CELF4: variants seen among roughly 807,000 people sequenced by gnomAD.
The protein encoded by CELF4 is CUG-BP- and ETR-3-like factor 4.
CELF4 carries 18 observed loss-of-function variants against 59.9 expected under a neutral mutation model. That is an observed-to-expected ratio of 0.30 (90% CI 0.21 to 0.45). The LOEUF (loss-of-function observed/expected upper bound fraction) is 0.45, where lower values mean the gene tolerates loss of function less well. Among genes scored for constraint, CELF4 ranks in the 20% least tolerant of loss-of-function variants. The pLI, the probability that CELF4 is intolerant of heterozygous loss-of-function variation, is 1.00. For missense variants in CELF4, 456 were observed against 689.0 expected, an observed-to-expected ratio of 0.66 and a Z score of 3.79; for synonymous variants, 261 against 267.1, an observed-to-expected ratio of 0.98 and a Z score of 0.22.
intron 8 of CELF4, among the ~76,000 whole-genome samples, chr18:37,269,866 C>T (rs1047643201): frequency 1.3e-5 from 2 of 152,326 alleles, no homozygotes; most frequent in African/African-American, 2.4e-5. Context: ...ACCTCCCAGG[C>T]GATAGGTCCA....
At position 37,399,196 on chromosome 18, in the gene CELF4, G is replaced by T. The variant is rs553695023; in HGVS notation, c.370-77315C>A. Among the ~76,000 whole-genome samples, 65 of 152,032 alleles carry T rather than the reference G, an allele frequency of 4.3e-4. 1 individual carries two copies. Among genetic ancestry groups the T allele is most frequent in the African/African-American group, 1.5e-3 (64 of 41,510 alleles). On this transcript the variant is annotated intron_variant, in intron 2 of 12. Transcript: ENST00000420428. ...TCATACTGAAAATTTAATTGCCATT[G>T]TGATATTAAGGGATGGGACATTTAA...
chr18:37,549,398 A>T (rs1418178817), intron 1 of CELF4, among the ~76,000 whole-genome samples: 1 of 152,192 alleles, frequency 6.6e-6, no homozygotes, highest in Non-Finnish European at 1.5e-5. Flanking sequence ...TCCTTGAACG[A>T]AAGGTTGCCC....
At chr18:37,444,276 TC>T (rs1168521633) in intron 2 of CELF4, among the ~76,000 whole-genome samples, 1 of 151,498 alleles carries the variant, frequency 6.6e-6, no homozygotes, top group Non-Finnish European at 1.5e-5. Flanking sequence ...TAGGGGTGGA[TC>T]CCCCCTAGCA....
chr18:37,356,010 C>G (rs1485358792), intron 2 of CELF4, among the ~76,000 whole-genome samples: 2 of 152,074 alleles, frequency 1.3e-5, no homozygotes, highest in Admixed American at 1.3e-4. Flanking sequence ...CAGCCCAGCA[C>G]AGCCCAGCCC....
At chr18:37,421,433 CT>C (rs1220939614) in intron 2 of CELF4, among the ~76,000 whole-genome samples, 3 of 152,236 alleles carry the variant, frequency 2.0e-5, no homozygotes, top group African/African-American at 7.2e-5. Flanking sequence ...GCACAGCTTT[CT>C]TCTTTAGCTG....
intron 3 of CELF4, among the ~76,000 whole-genome samples, chr18:37,320,056 A>G (rs649456): frequency 0.52 from 78,587 of 151,712 alleles, 20,822 homozygotes; most frequent in East Asian, 0.76. Context: ...CCCCAACTCC[A>G]GCTGGGCGCG....
intron 1 of CELF4, among the ~76,000 whole-genome samples, chr18:37,552,638 CTGAGAAACT>C (rs1239478490): frequency 2.6e-5 from 4 of 152,216 alleles, no homozygotes; most frequent in African/African-American, 9.6e-5. Flanking sequence ...TAATGTTTTG[CTGAGAAACT>C]TGAGAAACTA....
intron 2 of CELF4, among the ~76,000 whole-genome samples, chr18:37,438,249 G>A (rs1198090241): frequency 6.6e-6 from 1 of 152,212 alleles, no homozygotes; most frequent in Non-Finnish European, 1.5e-5. Flanking sequence ...GTGATTGACT[G>A]TCAGTGAAGA....
intron 2 of CELF4, among the ~76,000 whole-genome samples, chr18:37,402,599 A>C (rs1194759299): frequency 6.6e-6 from 1 of 152,294 alleles, no homozygotes; most frequent in Middle Eastern, 3.4e-3. Flanking sequence ...GTCATTCTTT[A>C]TTCCAGCAAA....
chr18:37,476,168 T>A (rs2099848433), intron 2 of CELF4, among the ~76,000 whole-genome samples: 1 of 152,258 alleles, frequency 6.6e-6, no homozygotes, highest in Non-Finnish European at 1.5e-5. Flanking sequence ...GTGATTTTCA[T>A]GATAGAAATT....
chr18:37,402,003 C>T (rs899140543), intron 2 of CELF4, among the ~76,000 whole-genome samples: 15 of 152,332 alleles, frequency 9.8e-5, no homozygotes, highest in African/African-American at 3.1e-4. Context: ...CCTTTAAAAC[C>T]TAACGTTGAG....
intron 2 of CELF4, among the ~76,000 whole-genome samples, chr18:37,471,502 C>A (rs2099830191): frequency 6.6e-6 from 1 of 152,114 alleles, no homozygotes; most frequent in South Asian, 2.1e-4. Context: ...CTCCTCCTTG[C>A]CTTTGCCCCT....
intron 12 of CELF4, chr18:37,247,625 A>ACACACACG (rs1239796319): frequency 6.6e-6 from 1 of 152,074 alleles, no homozygotes; most frequent in Non-Finnish European, 1.5e-5. Context: ...ACATCAACAC[A>ACACACACG]CACACACGCA....
chr18:37,397,909 G>A (rs1032878321), intron 2 of CELF4, among the ~76,000 whole-genome samples: 7 of 152,196 alleles, frequency 4.6e-5, no homozygotes, highest in African/African-American at 1.4e-4. Flanking sequence ...ATCCTTGGAT[G>A]TGCTTTGTTC....
chr18:37,265,961 C>T (rs1485193692), intron 9 of CELF4, among the ~76,000 whole-genome samples: 1 of 152,170 alleles, frequency 6.6e-6, no homozygotes. Flanking sequence ...GGCTTAGGCT[C>T]AGTGACCCCA....
intron 2 of CELF4, among the ~76,000 whole-genome samples, chr18:37,347,435 T>G (rs2098302329): frequency 6.6e-6 from 1 of 152,110 alleles, no homozygotes; most frequent in Non-Finnish European, 1.5e-5. Context: ...CCCCCACCCC[T>G]ACACTTGGCT....
Position 37,291,606 on chromosome 18 carries a change from G to A in CELF4, c.449-16363C>T, listed in dbSNP as rs144418664. On this transcript the variant is annotated intron_variant, in intron 3 of 12. Coordinates refer to ENST00000420428, the MANE Select transcript of CELF4 (RefSeq NM_020180.4). The stretch of plus-strand genomic sequence containing the variant: ...ACAGAATGGGATGATCAGGACTGCC[G>A]CAGGGCTGACCTGAGGGCCTGGGCA... 1.6e-3 allele frequency among the ~76,000 whole-genome samples: 239 copies of A among 152,218 alleles called. 1 individual carries two copies. The highest frequency in any genetic ancestry group is 5.0e-3 in the African/African-American group (209 of 41,516).
At chr18:37,424,906 T>C (rs962733736) in intron 2 of CELF4, among the ~76,000 whole-genome samples, 2 of 152,162 alleles carry the variant, frequency 1.3e-5, no homozygotes, top group Non-Finnish European at 2.9e-5. Context: ...CTGTGCTCTT[T>C]TAGTCCTAAG....
At chr18:37,439,196 G>A (rs1001207876) in intron 2 of CELF4, among the ~76,000 whole-genome samples, 1 of 152,214 alleles carries the variant, frequency 6.6e-6, no homozygotes, top group Admixed American at 6.5e-5. Context: ...GCTGCAGTTA[G>A]TACTGGAGTG....
Sources: allele counts gnomAD v4.1 joint callset (sites outside exome capture counted in the v4.1 genomes callset), GRCh38; gene constraint gnomAD v4.1.1; transcripts MANE v1.5; gene names NCBI Gene and HGNC (gene_info 2026-07-23, HGNC 2026-07-21).